Variants in NEMF observed in about 807,000 individuals in gnomAD.
NEMF encodes ribosome quality control complex subunit NEMF.
A neutral mutation model predicts 162.2 loss-of-function variants in NEMF; 89 were observed. That is an observed-to-expected ratio of 0.55 (90% confidence interval 0.46 to 0.65). The LOEUF (loss-of-function observed/expected upper bound fraction) is 0.65. Among genes scored for constraint, NEMF ranks in the 30% least tolerant of loss-of-function variants. The pLI, the probability that NEMF is intolerant of heterozygous loss-of-function variation, is 0.00. For missense variants in NEMF, 1,133 were observed against 1,261.9 expected (o/e 0.90, Z 1.55); for synonymous variants, 421 against 404.5 (o/e 1.04, Z -0.49).
chr14:49,785,608 G>A, intron 29 of NEMF: 1 of 341,558 alleles, frequency 2.9e-6, no homozygotes, highest in South Asian at 2.7e-5. Flanking sequence ...AGGCCCAGGA[G>A]CAGTGGTTCA....
chr14:49,784,578 G>T lies in NEMF; in HGVS notation c.*58C>A. The T allele has an allele frequency of 1.7e-6, 2 of 1,207,734 alleles. No individual in the cohort carries two copies. The highest frequency in any genetic ancestry group is 2.6e-5 in the South Asian group (2 of 76,814). 74.8% of individuals were successfully genotyped at this position (1,207,734 alleles called of 1,614,324 possible). A position where few individuals can be genotyped will look rare whatever the true frequency, so the allele number is the denominator to read the frequency against. ...CCTGATACATGGTGCTTTCATCTTTGAACTTCCAAAAGGCTATAAAATTGG... is the reference window on the plus strand; with the variant it reads ...CCTGATACATGGTGCTTTCATCTTTTAACTTCCAAAAGGCTATAAAATTGG... On this transcript the variant is annotated 3_prime_UTR_variant, in exon 33 of 33. Coordinates refer to ENST00000298310, the MANE Select transcript of NEMF (RefSeq NM_004713.6).
At position 49,782,278 on chromosome 14, in the gene NEMF, C is replaced by A; in HGVS notation, c.*2358G>T. On this transcript the variant is annotated 3_prime_UTR_variant, in exon 33 of 33. Transcript: ENST00000298310. ...GTTTTGGTCTGAACTACCTTAAGATCGCTAGTCTTTATTTCATAGCTCTAT... is the reference window on the plus strand; with the variant it reads ...GTTTTGGTCTGAACTACCTTAAGATAGCTAGTCTTTATTTCATAGCTCTAT... The A allele has an allele frequency of 2.6e-6, 2 of 769,256 alleles. No homozygotes were observed. The highest frequency in any genetic ancestry group is 4.3e-6 in the Non-Finnish European group (2 of 465,848). The allele number at this position is 769,256 out of a possible 1,614,324, so 47.7% of individuals were successfully genotyped here. A position where few individuals can be genotyped will look rare whatever the true frequency, so the allele number is the denominator to read the frequency against.
At chr14:49,840,365 G>A (rs1242575229) in intron 5 of NEMF, among the ~76,000 whole-genome samples, 1 of 151,982 alleles carries the variant, frequency 6.6e-6, no homozygotes, top group Non-Finnish European at 1.5e-5. Context: ...GGGAGGCTGC[G>A]GCAGGAGAAT....
At chr14:49,830,387 C>G (rs908675185) in intron 11 of NEMF, among the ~76,000 whole-genome samples, 1 of 152,092 alleles carries the variant, frequency 6.6e-6, no homozygotes, top group Non-Finnish European at 1.5e-5. Flanking sequence ...TACAGGGATT[C>G]AAACAATTTG....
rs930084796 is a variant in NEMF, at chr14:49,834,542, C to A, written c.575-93G>T. 3 of 846,846 alleles carry A rather than the reference C, an allele frequency of 3.5e-6. No homozygotes were observed. The African/African-American group carries it at 5.2e-5, about 15-fold the overall frequency. The allele number at this position is 846,846 out of a possible 1,614,324, so 52.5% of individuals were successfully genotyped here. A position where few individuals can be genotyped will look rare whatever the true frequency, so the allele number is the denominator to read the frequency against. ...ATGGAGTTTTACCCGTCGCCCAGGCCGGAGTGCAATGGTGCAATCTTGGCT... is the reference window on the plus strand; with the variant it reads ...ATGGAGTTTTACCCGTCGCCCAGGCAGGAGTGCAATGGTGCAATCTTGGCT... On this transcript the variant is annotated intron_variant, in intron 6 of 32. Transcript: ENST00000298310.
At chr14:49,851,786 A>G (rs1359916236) in intron 2 of NEMF, 21 bp downstream of exon 2, 1 of 1,484,096 alleles carries the variant, frequency 6.7e-7, no homozygotes. Flanking sequence ...AAGAGAAAAT[A>G]AGCCTATAAA....
intron 18 of NEMF, among the ~76,000 whole-genome samples, chr14:49,809,421 C>T (rs900890408): frequency 6.6e-6 from 1 of 152,086 alleles, no homozygotes; most frequent in Non-Finnish European, 1.5e-5. Context: ...CTTTAAAGAT[C>T]AGTGGTTGTC....
rs1465378687 is a variant in NEMF at position 49,786,507 on chromosome 14, A to T, written c.2928+211T>A. The stretch of plus-strand genomic sequence containing the variant: ...TCTCCTGGGTAGGGACATTATCCCC[A>T]TTCTTCAGATGAGGAAACTGAGGCA... On this transcript the variant is annotated intron_variant, in intron 29 of 32. Transcript: ENST00000298310. The T allele has an allele frequency of 1.6e-5, 9 of 569,568 alleles. No homozygotes were observed. The East Asian group carries it at 2.3e-4, about 15-fold the overall frequency. 35.3% of individuals were successfully genotyped at this position (569,568 alleles called of 1,614,324 possible). A position where few individuals can be genotyped will look rare whatever the true frequency, so the allele number is the denominator to read the frequency against.
chr14:49,828,917 ATTTAT>A, intron 13 of NEMF, 110 bp from the exon 14 acceptor site: 1 of 1,272,282 alleles, frequency 7.9e-7, no homozygotes, highest in Non-Finnish European at 1.1e-6. Flanking sequence ...AAGTTTCATT[ATTTAT>A]TTTAATCTAA....
Position 49,829,443 on chromosome 14 carries a change from A to G in NEMF, c.946-17T>C, listed in dbSNP as rs768203935. 1.1e-5 allele frequency: 18 copies of G among 1,603,942 alleles called. No homozygotes were observed. Among genetic ancestry groups the G allele is most frequent in the Non-Finnish European group, 1.4e-5 (17 of 1,173,192 alleles). On this transcript the variant is annotated splice_polypyrimidine_tract_variant and intron_variant, in intron 11 of 32. Coordinates refer to ENST00000298310, the MANE Select transcript of NEMF (RefSeq NM_004713.6). ...TTGCTTTTCCTTTTATTGGCAAAAC[A>G]GATTTTTTAAAAATTAGATTTCTCC...
At chr14:49,784,825 T>C (rs1197233912) in intron 32 of NEMF, 100 bp downstream of exon 32, 2 of 1,401,654 alleles carry the variant, frequency 1.4e-6, no homozygotes, top group African/African-American at 2.9e-5. Flanking sequence ...GTTTTACTGC[T>C]TCTAATAAGA....
chr14:49,815,007 A>G (rs930096186), intron 16 of NEMF, 150 bp from the exon 17 acceptor site: 15 of 578,118 alleles, frequency 2.6e-5, no homozygotes, highest in African/African-American at 1.6e-4. Flanking sequence ...CTAAAAACCT[A>G]TAATACAAAT....
intron 26 of NEMF, among the ~76,000 whole-genome samples, chr14:49,793,060 T>C (rs1304462255): frequency 2.6e-5 from 4 of 152,122 alleles, no homozygotes; most frequent in Non-Finnish European, 2.9e-5. Flanking sequence ...AAAAATAACT[T>C]TCAAAAAGGT....
chr14:49,797,584 G>A (rs534029617), intron 25 of NEMF: 3 of 152,212 alleles, frequency 2.0e-5, no homozygotes, highest in South Asian at 2.1e-4. Flanking sequence ...GCAGTGAGCC[G>A]AGATCGCAGC....
intron 5 of NEMF, among the ~76,000 whole-genome samples, 170 bp from the exon 6 acceptor site, chr14:49,838,376 C>T (rs1893012030): frequency 6.6e-6 from 1 of 152,040 alleles, no homozygotes; most frequent in African/African-American, 2.4e-5. Flanking sequence ...AAGATATTTA[C>T]CCAAGATTAA....
chr14:49,851,871 G>A lies in NEMF; in HGVS notation c.64C>T (p.Leu22=). ...TAAACATTGTTTACTCTCATTCCTA[G>A]CAAGCTGCAAAGATAAAGGAAACAT... is the stretch of plus-strand genomic sequence containing the variant. ...AVLAELNASL[L]GMRVNNVYDV... is the part of the protein sequence containing the mutation. Residue 22 remains leucine (L), a synonymous_variant, in exon 2 of 33, where the codon CTA becomes TTA. Coordinates refer to ENST00000298310, the MANE Select transcript of NEMF (RefSeq NM_004713.6). 6.4e-7 allele frequency: 1 copy of A among 1,568,444 alleles called. No homozygotes were observed. The highest frequency in any genetic ancestry group is 8.7e-7 in the Non-Finnish European group (1 of 1,149,866).
At position 49,782,581 on chromosome 14, in the gene NEMF, A is replaced by G; in HGVS notation, c.*2055T>C. On this transcript the variant is annotated 3_prime_UTR_variant, in exon 33 of 33. Transcript: ENST00000298310. ...AATACTAATATTTTCAGTTCAACCA[A>G]AATCTCTTGTACGGTAAGTAACTTT... The G allele has an allele frequency of 6.2e-7, 1 of 1,606,596 alleles. No homozygotes were observed.
intron 15 of NEMF, among the ~76,000 whole-genome samples, chr14:49,827,588 G>A (rs186946876): frequency 5.9e-5 from 9 of 152,224 alleles, no homozygotes; most frequent in East Asian, 5.8e-4. Context: ...TGAAGCGGGC[G>A]GATCACCTGA....
intron 26 of NEMF, among the ~76,000 whole-genome samples, chr14:49,792,193 T>C (rs1394209626): frequency 2.0e-5 from 3 of 151,884 alleles, no homozygotes; most frequent in African/African-American, 7.2e-5. Flanking sequence ...TCTAGTTTTA[T>C]AAGCAAATGC....
Sources: allele counts gnomAD v4.1 joint callset (sites outside exome capture counted in the v4.1 genomes callset), GRCh38; gene constraint gnomAD v4.1.1; transcripts MANE v1.5; gene names NCBI Gene and HGNC (gene_info 2026-07-23, HGNC 2026-07-21).